SIPA1L1: variants seen among roughly 807,000 people sequenced by gnomAD.
SIPA1L1 encodes the protein signal-induced proliferation-associated 1-like protein 1.
A neutral mutation model predicts 162.7 loss-of-function variants in SIPA1L1; 26 were observed. The observed-to-expected ratio is 0.16, with a 90% confidence interval of 0.12 to 0.22. SIPA1L1 has a LOEUF of 0.22. SIPA1L1 is among the 10% of genes least tolerant of loss of function. The pLI is 1.00. For synonymous variants in SIPA1L1, 829 were observed against 837.4 expected (o/e 0.99, Z 0.17); for missense variants, 1,874 against 2,241.0 (o/e 0.84, Z 3.31).
At chr14:71,589,419 GAAGAA>G (rs764291452) in intron 5 of SIPA1L1, 49 bp downstream of exon 5, 1 of 1,165,404 alleles carries the variant, frequency 8.6e-7, no homozygotes, top group Admixed American at 2.0e-5. Flanking sequence ...AGTACTTTCT[GAAGAA>G]AAGTACTGTA....
intron 2 of SIPA1L1, among the ~76,000 whole-genome samples, chr14:71,411,740 C>T (rs1046508776): frequency 6.6e-6 from 1 of 152,190 alleles, no homozygotes; most frequent in Non-Finnish European, 1.5e-5. Flanking sequence ...CCGGTCTTTG[C>T]CCCACTACCC....
chr14:71,706,863 C>T (rs2082478006), intron 16 of SIPA1L1, among the ~76,000 whole-genome samples: 1 of 151,912 alleles, frequency 6.6e-6, no homozygotes, highest in Non-Finnish European at 1.5e-5. Flanking sequence ...ATGAAACCGT[C>T]TCTACTAAAA....
Position 71,739,552 on chromosome 14 carries a change from T to C in SIPA1L1, c.*391T>C, listed in dbSNP as rs1303078450. 2 of 153,612 alleles carry C rather than the reference T, an allele frequency of 1.3e-5. No individual in the cohort carries two copies. Among genetic ancestry groups the C allele is most frequent in the Non-Finnish European group, 2.9e-5 (2 of 69,000 alleles). The allele number at this position is 153,612 out of a possible 1,614,324, so 9.5% of individuals were successfully genotyped here. Reference sequence around the variant, plus strand: ...ACTTCAGGTAACCCAAGCTTTCCCTTGTTATTCTAACAAATATCATTATTC... The same window carrying C: ...ACTTCAGGTAACCCAAGCTTTCCCTCGTTATTCTAACAAATATCATTATTC... On this transcript the variant is annotated 3_prime_UTR_variant, in exon 24 of 24. Transcript: ENST00000381232.
chr14:71,400,234 G>C (rs1417663184), intron 2 of SIPA1L1, among the ~76,000 whole-genome samples: 1 of 152,168 alleles, frequency 6.6e-6, no homozygotes, highest in African/African-American at 2.4e-5. Flanking sequence ...GGCATACTTT[G>C]TAAGGTGCCT....
intron 14 of SIPA1L1, among the ~76,000 whole-genome samples, chr14:71,699,960 C>A (rs546711592): frequency 6.6e-6 from 1 of 152,280 alleles, no homozygotes; most frequent in African/African-American, 2.4e-5. Context: ...CTTCTCTGAA[C>A]AAAGAACAAT....
intron 5 of SIPA1L1, among the ~76,000 whole-genome samples, chr14:71,590,493 G>A (rs2147672087): frequency 6.6e-6 from 1 of 152,156 alleles, no homozygotes; most frequent in South Asian, 2.1e-4. Context: ...TTCAAATATA[G>A]TACTCATAGC....
chr14:71,380,032 A>G (rs2039762358), intron 2 of SIPA1L1, among the ~76,000 whole-genome samples: 1 of 152,158 alleles, frequency 6.6e-6, no homozygotes, highest in Non-Finnish European at 1.5e-5. Context: ...TTGACCTAGG[A>G]TTTGAAAGTC....
intron 2 of SIPA1L1, among the ~76,000 whole-genome samples, chr14:71,395,944 G>A (rs976854383): frequency 1.3e-5 from 2 of 152,162 alleles, no homozygotes; most frequent in East Asian, 1.9e-4. Flanking sequence ...GACAAAGTAA[G>A]GGTAAGTCTG....
chr14:71,632,361 G>A (rs555891199), intron 7 of SIPA1L1, among the ~76,000 whole-genome samples: 50 of 152,072 alleles, frequency 3.3e-4, no homozygotes, highest in Non-Finnish European at 6.6e-4. Flanking sequence ...CCAAATGTCT[G>A]TTCTTTTTAG....
At chr14:71,443,512 T>C (rs940645911) in intron 2 of SIPA1L1, among the ~76,000 whole-genome samples, 3 of 152,186 alleles carry the variant, frequency 2.0e-5, no homozygotes, top group Non-Finnish European at 2.9e-5. Context: ...AAGCCACTTA[T>C]CAAGTTGAAG....
At chr14:71,535,375 T>A (rs1288716442) in intron 4 of SIPA1L1, among the ~76,000 whole-genome samples, 9 of 152,240 alleles carry the variant, frequency 5.9e-5, no homozygotes, top group Non-Finnish European at 1.3e-4. Context: ...TAGGAAGTGT[T>A]TTTCTTATGC....
At chr14:71,649,699 A>C (rs1280438299) in intron 7 of SIPA1L1, among the ~76,000 whole-genome samples, 2 of 152,292 alleles carry the variant, frequency 1.3e-5, no homozygotes, top group African/African-American at 4.8e-5. Flanking sequence ...GCCTCTTTTA[A>C]AGTTTCTCTG....
chr14:71,475,537 G>A (rs1393433101), intron 2 of SIPA1L1, among the ~76,000 whole-genome samples: 1 of 152,166 alleles, frequency 6.6e-6, no homozygotes, highest in African/African-American at 2.4e-5. Flanking sequence ...GGCAAATTAT[G>A]TCAGGAGTAG....
chr14:71,454,551 G>T (rs2046053670), intron 2 of SIPA1L1, among the ~76,000 whole-genome samples: 1 of 152,154 alleles, frequency 6.6e-6, no homozygotes, highest in Admixed American at 6.5e-5. Context: ...CAGCAAAGAG[G>T]TGATTTTTTT....
chr14:71,322,845 C>T (rs2033251313), intron 2 of SIPA1L1, among the ~76,000 whole-genome samples: 1 of 152,174 alleles, frequency 6.6e-6, no homozygotes, highest in Non-Finnish European at 1.5e-5. Context: ...GTAGGTGTTG[C>T]TGTTGTTAGC....
intron 2 of SIPA1L1, chr14:71,448,834 C>T (rs1450540823): frequency 6.6e-6 from 1 of 152,304 alleles, no homozygotes; most frequent in African/African-American, 2.4e-5. Context: ...TGGGGGACCA[C>T]CAGATTGCCT....
chr14:71,330,957 C>T (rs1019339571), intron 2 of SIPA1L1, among the ~76,000 whole-genome samples: 12 of 152,078 alleles, frequency 7.9e-5, no homozygotes, highest in Non-Finnish European at 1.6e-4. Context: ...TGCTTTTGGC[C>T]GTATCTAAGA....
chr14:71,722,648 C>T (rs2083852507), intron 17 of SIPA1L1, among the ~76,000 whole-genome samples: 1 of 152,154 alleles, frequency 6.6e-6, no homozygotes, highest in African/African-American at 2.4e-5. Flanking sequence ...AACTCTCATC[C>T]CTTATTTTGA....
At chr14:71,596,528 A>G (rs538208483) in intron 5 of SIPA1L1, among the ~76,000 whole-genome samples, 1 of 152,184 alleles carries the variant, frequency 6.6e-6, no homozygotes, top group Non-Finnish European at 1.5e-5. Context: ...CATTTTTTTT[A>G]AAGTAGTTTT....
Sources: allele counts gnomAD v4.1 joint callset (sites outside exome capture counted in the v4.1 genomes callset), GRCh38; gene constraint gnomAD v4.1.1; transcripts MANE v1.5; gene names NCBI Gene and HGNC (gene_info 2026-07-23, HGNC 2026-07-21).